The following KCNIP1 variants were observed in gnomAD, a reference collection of about 807,000 sequenced individuals.
KCNIP1 encodes potassium voltage-gated channel interacting protein 1, also known as A-type potassium channel modulatory protein KCNIP1.
KCNIP1 carries 18 observed loss-of-function variants against 33.0 expected under a neutral mutation model. The ratio of observed to expected loss-of-function variants is 0.55; its 90% CI spans 0.38 to 0.81. The LOEUF is 0.81. KCNIP1 is among the 30% of genes least tolerant of loss of function. KCNIP1 has a pLI of 0.00. For missense variants in KCNIP1, 238 were observed against 271.6 expected (o/e 0.88, Z 0.87); for synonymous variants, 93 against 98.3 (o/e 0.95, Z 0.32).
rs116587059 is a variant in KCNIP1 at position 170,371,607 on chromosome 5, G to C, written c.88+17643G>C. 2.0e-3 allele frequency among the ~76,000 whole-genome samples: 312 copies of C among 152,246 alleles called. 2 individuals are homozygous for C. The highest frequency in any genetic ancestry group is 7.2e-3 in the African/African-American group (297 of 41,530). ...TCCTTGTGCCTCCATTGGCTCATTG[G>C]TGAAATGGAGATACTAATAATAACC... On this transcript the variant is annotated intron_variant, in intron 1 of 7. Transcript: ENST00000377360.
chr5:170,557,816 A>C (rs1756893472), intron 1 of KCNIP1, among the ~76,000 whole-genome samples: 1 of 152,106 alleles, frequency 6.6e-6, no homozygotes, highest in African/African-American at 2.4e-5. Context: ...AATCATAGAG[A>C]GCTTTGAAGC....
intron 1 of KCNIP1, among the ~76,000 whole-genome samples, chr5:170,598,919 G>A (rs188133410): frequency 1.4e-3 from 218 of 150,776 alleles, no homozygotes; most frequent in Non-Finnish European, 2.1e-3. Context: ...GTGTGTGTGT[G>A]TGTGTGTGTG....
chr5:170,586,012 C>T lies in KCNIP1; in HGVS notation c.61+81379C>T, dbSNP rs143660692. Among the ~76,000 whole-genome samples, 330 of 152,294 alleles carry T rather than the reference C, an allele frequency of 2.2e-3. 1 individual carries two copies. Among genetic ancestry groups the T allele is most frequent in the Non-Finnish European group, 3.2e-3 (219 of 68,020 alleles). ...CCTTTGGGGTTAGATGTATCTGCTTCCAAGTCCCAACCTTCTGCCTCACTG... is the reference window on the plus strand; with the variant it reads ...CCTTTGGGGTTAGATGTATCTGCTTTCAAGTCCCAACCTTCTGCCTCACTG... On this transcript the variant is annotated intron_variant, in intron 1 of 7. Coordinates refer to ENST00000328939, the MANE Select transcript of KCNIP1 (RefSeq NM_014592.4).
intron 1 of KCNIP1, among the ~76,000 whole-genome samples, chr5:170,623,931 C>G (rs6889532): frequency 0.39 from 59,655 of 152,004 alleles, 12,107 homozygotes; most frequent in East Asian, 0.61. Flanking sequence ...CCAGGCCCAG[C>G]CTTCACTCCA....
chr5:170,436,207 G>A lies in KCNIP1; in HGVS notation c.88+82243G>A, dbSNP rs546812994. On this transcript the variant is annotated intron_variant, in intron 1 of 7. Coordinates refer to the KCNIP1 transcript ENST00000377360. ...GAGATAGTATTCTAAAACAATTAAT[G>A]AAGGCCCATGATGGGGACAGGAGAG... Among the ~76,000 whole-genome samples, 3 of 152,336 alleles carry A rather than the reference G, an allele frequency of 2.0e-5. No individual in the cohort carries two copies. The East Asian group carries it at 5.8e-4, about 29-fold the overall frequency.
intron 1 of KCNIP1, among the ~76,000 whole-genome samples, chr5:170,623,504 G>A (rs747221562): frequency 1.3e-5 from 2 of 152,018 alleles, no homozygotes; most frequent in Admixed American, 6.5e-5. Flanking sequence ...GAGCCACCAC[G>A]ACCTGCCCGG....
At chr5:170,515,170 T>C (rs866742888) in intron 1 of KCNIP1, among the ~76,000 whole-genome samples, 2 of 152,328 alleles carry the variant, frequency 1.3e-5, no homozygotes, top group South Asian at 2.1e-4. Context: ...CAGGCCTCAC[T>C]CATTTCCTAG....
chr5:170,572,902 G>A (rs1030346388), intron 1 of KCNIP1, among the ~76,000 whole-genome samples: 2 of 152,200 alleles, frequency 1.3e-5, no homozygotes, highest in African/African-American at 2.4e-5. Flanking sequence ...ACTCTATTCC[G>A]GATACGGTGC....
chr5:170,452,890 G>A (rs767043372), intron 1 of KCNIP1, among the ~76,000 whole-genome samples: 13 of 152,152 alleles, frequency 8.5e-5, no homozygotes, highest in African/African-American at 3.1e-4. Context: ...AGAATTCATC[G>A]CTGGATCGTT....
chr5:170,609,603 G>A (rs1322809549), intron 1 of KCNIP1, among the ~76,000 whole-genome samples: 2 of 152,116 alleles, frequency 1.3e-5, no homozygotes, highest in Non-Finnish European at 1.5e-5. Context: ...CACTTTGGGA[G>A]GCTAAAGCAG....
intron 1 of KCNIP1, among the ~76,000 whole-genome samples, chr5:170,627,234 C>T (rs1273643984): frequency 6.6e-6 from 1 of 152,202 alleles, no homozygotes; most frequent in East Asian, 1.9e-4. Flanking sequence ...AAAAATAGAA[C>T]CTGGGGCAAA....
chr5:170,598,914 T>TGTGTGCGC (rs1347369211), intron 1 of KCNIP1, among the ~76,000 whole-genome samples: 15 of 149,568 alleles, frequency 1.0e-4, no homozygotes, highest in Non-Finnish European at 2.1e-4. Flanking sequence ...CGTGTGTGTG[T>TGTGTGCGC]GTGTGTGTGT....
intron 1 of KCNIP1, among the ~76,000 whole-genome samples, chr5:170,475,243 C>G (rs2113147950): frequency 6.6e-6 from 1 of 152,384 alleles, no homozygotes; most frequent in Admixed American, 6.5e-5. Flanking sequence ...GGCTTCACCT[C>G]TCAGTGTGAC....
chr5:170,479,614 C>A (rs1416890015), intron 1 of KCNIP1, among the ~76,000 whole-genome samples: 2 of 151,974 alleles, frequency 1.3e-5, no homozygotes, highest in African/African-American at 4.8e-5. Context: ...ATGACATACC[C>A]CAAGGAAAAA....
Position 170,713,096 on chromosome 5 carries a change from G to T in KCNIP1, c.62-5662G>T, listed in dbSNP as rs537596354. Among the ~76,000 whole-genome samples, 37 of 152,316 alleles carry T rather than the reference G, an allele frequency of 2.4e-4. 1 individual carries two copies. In the South Asian group the frequency reaches 7.7e-3, roughly 32 times the overall value. On this transcript the variant is annotated intron_variant, in intron 1 of 7. Coordinates refer to ENST00000328939, the MANE Select transcript of KCNIP1 (RefSeq NM_014592.4). ...TTTGCTCCCCGTAAGAAATGGTTAC[G>T]TTTTCCTTTTACAGACATTTGTAAA...
At chr5:170,612,742 G>A (rs921121024) in intron 1 of KCNIP1, among the ~76,000 whole-genome samples, 2 of 152,180 alleles carry the variant, frequency 1.3e-5, no homozygotes, top group African/African-American at 4.8e-5. Flanking sequence ...AGCAAATGTG[G>A]CCGGCTGTAA....
intron 1 of KCNIP1, among the ~76,000 whole-genome samples, chr5:170,677,069 A>C (rs893661598): frequency 1.3e-5 from 2 of 152,322 alleles, no homozygotes; most frequent in East Asian, 1.9e-4. Context: ...TGACTTGTCC[A>C]TGGGGCCCAG....
intron 1 of KCNIP1, among the ~76,000 whole-genome samples, chr5:170,419,773 T>A (rs947147032): frequency 2.6e-5 from 4 of 152,232 alleles, no homozygotes; most frequent in African/African-American, 9.7e-5. Context: ...CAGGCCATGA[T>A]TTGTGGCTGT....
At chr5:170,460,398 C>A (rs1336617236) in intron 1 of KCNIP1, among the ~76,000 whole-genome samples, 1 of 152,106 alleles carries the variant, frequency 6.6e-6, no homozygotes, top group Non-Finnish European at 1.5e-5. Flanking sequence ...AAGAAAACTA[C>A]AGACCAATAT....
Sources: gnomAD v4.1 joint callset for allele counts (sites outside exome capture counted in the v4.1 genomes callset) on GRCh38, gnomAD v4.1.1 for gene constraint, MANE v1.5 for transcripts, NCBI Gene and HGNC (gene_info 2026-07-23, HGNC 2026-07-21) for gene names.